The following ITGB5 variants were observed in gnomAD, a reference collection of about 807,000 sequenced individuals.
ITGB5 encodes the protein integrin subunit beta 5, also known as integrin beta-5.
In ITGB5, 38 loss-of-function variants were observed where a neutral mutation model predicts 84.8. The ratio of observed to expected loss-of-function variants is 0.45; its 90% CI spans 0.35 to 0.59. ITGB5 has a LOEUF of 0.59. Ranked by LOEUF, ITGB5 falls within the 20% of genes least tolerant of loss-of-function variation. The pLI is 0.01. For missense variants in ITGB5, 905 were observed against 1,034.5 expected, an observed-to-expected ratio of 0.87 and a Z score of 1.72; for synonymous variants, 393 against 414.4, an observed-to-expected ratio of 0.95 and a Z score of 0.63.
At chr3:124,866,103 C>A (rs531972766) in intron 2 of ITGB5, among the ~76,000 whole-genome samples, 1 of 151,674 alleles carries the variant, frequency 6.6e-6, no homozygotes, top group Admixed American at 6.6e-5. Context: ...TCAAGTGATT[C>A]TCATGCCTCA....
chr3:124,871,562 A>C (rs1358495067), intron 2 of ITGB5, among the ~76,000 whole-genome samples: 2 of 152,204 alleles, frequency 1.3e-5, no homozygotes, highest in Non-Finnish European at 2.9e-5. Flanking sequence ...ATGGTGGCTC[A>C]CATCTGTAAT....
intron 2 of ITGB5, among the ~76,000 whole-genome samples, chr3:124,865,094 T>G (rs1467874714): frequency 2.0e-5 from 3 of 152,218 alleles, no homozygotes; most frequent in Non-Finnish European, 4.4e-5. Context: ...GGCCCAAAGC[T>G]TCCATCCTTC....
At chr3:124,773,280 T>C (rs1463280479) in intron 11 of ITGB5, among the ~76,000 whole-genome samples, 1 of 152,220 alleles carries the variant, frequency 6.6e-6, no homozygotes, top group African/African-American at 2.4e-5. Context: ...GTTTGGGAGA[T>C]ATCAGTGTGG....
intron 13 of ITGB5, among the ~76,000 whole-genome samples, chr3:124,765,916 C>T (rs893736567): frequency 2.0e-5 from 3 of 151,852 alleles, no homozygotes; most frequent in Admixed American, 1.3e-4. Context: ...AAAATTAGCC[C>T]GGTGTGGTGG....
Position 124,775,343 on chromosome 3 carries a change from T to G in ITGB5, c.1694-1431A>C, listed in dbSNP as rs185471086. Among the ~76,000 whole-genome samples, 410 of 151,948 alleles carry G rather than the reference T, an allele frequency of 2.7e-3. 15 individuals carry two copies. The highest frequency in any genetic ancestry group is 0.024 in the Admixed American group (359 of 15,244). On this transcript the variant is annotated intron_variant, in intron 10 of 14. Transcript: ENST00000296181. The stretch of plus-strand genomic sequence containing the variant: ...GAGTGTATGTGTGTTGGAGTGCAAG[T>G]GTGAGGGAGGATGTGTGTGAGTGCG...
In ITGB5 at chr3:124,781,700, A is replaced by G. The variant is rs183517819; in HGVS notation, c.1694-7788T>C. ...CATGCCTGGGGGAGTTATGCATTGG[A>G]GAACTTGCCAACTAAGGGCTGTTTC... is the stretch of plus-strand genomic sequence containing the variant. On this transcript the variant is annotated intron_variant, in intron 10 of 14. Coordinates refer to ENST00000296181, the MANE Select transcript of ITGB5 (RefSeq NM_002213.5). Among the ~76,000 whole-genome samples the G allele has an allele frequency of 2.0e-5, 3 of 152,276 alleles. No homozygotes were observed. In the East Asian group the frequency reaches 5.8e-4, roughly 29 times the overall value.
chr3:124,772,424 G>A (rs1425865582), intron 11 of ITGB5, among the ~76,000 whole-genome samples: 2 of 152,172 alleles, frequency 1.3e-5, no homozygotes, highest in South Asian at 4.1e-4. Flanking sequence ...ACCAGCAGCC[G>A]CTGCAGGCGC....
chr3:124,823,516 G>C (rs2064738344), intron 5 of ITGB5, among the ~76,000 whole-genome samples: 1 of 151,644 alleles, frequency 6.6e-6, no homozygotes, highest in Non-Finnish European at 1.5e-5. Flanking sequence ...AGTTGGAATA[G>C]TGGTTCTCCT....
At chr3:124,848,211 T>C in intron 4 of ITGB5, 98 bp downstream of exon 4, 2 of 1,450,340 alleles carry the variant, frequency 1.4e-6, no homozygotes, top group Non-Finnish European at 9.5e-7. Flanking sequence ...CCACCCCTCC[T>C]AACCATGCCT....
chr3:124,865,086 C>G (rs1354232165), intron 2 of ITGB5, among the ~76,000 whole-genome samples: 1 of 152,212 alleles, frequency 6.6e-6, no homozygotes, highest in Non-Finnish European at 1.5e-5. Flanking sequence ...TAACTTTGGG[C>G]CCAAAGCTTC....
At chr3:124,857,303 C>T (rs1051673311) in intron 3 of ITGB5, 2 of 152,206 alleles carry the variant, frequency 1.3e-5, no homozygotes, top group South Asian at 2.1e-4. Flanking sequence ...CTGGTACCCT[C>T]GGCCACTGCT....
chr3:124,850,693 A>G (rs966975382), intron 3 of ITGB5, among the ~76,000 whole-genome samples: 8 of 131,358 alleles, frequency 6.1e-5, no homozygotes, highest in Non-Finnish European at 1.3e-4. Flanking sequence ...AAAGTATAAT[A>G]ATAATAATTT....
intron 7 of ITGB5, among the ~76,000 whole-genome samples, chr3:124,818,008 G>A (rs61760582): frequency 6.6e-6 from 1 of 152,190 alleles, no homozygotes; most frequent in African/African-American, 2.4e-5. Context: ...GTAACAGACA[G>A]CTCTGTAAAA....
At chr3:124,845,236 C>T (rs2065061625) in intron 4 of ITGB5, among the ~76,000 whole-genome samples, 1 of 152,224 alleles carries the variant, frequency 6.6e-6, no homozygotes, top group East Asian at 1.9e-4. Context: ...AGCTCAAGAC[C>T]AGCCTGGCCA....
chr3:124,887,884 G>T, upstream of ITGB5: 1 of 261,376 alleles, frequency 3.8e-6, no homozygotes, highest in East Asian at 1.2e-4. Context: ...GGTGGGGCGT[G>T]GAGGCACAAG....
intron 9 of ITGB5, among the ~76,000 whole-genome samples, chr3:124,804,376 CAA>C (rs559424329): frequency 1.3e-5 from 2 of 151,330 alleles, no homozygotes; most frequent in East Asian, 3.9e-4. Context: ...CAAAACAAAA[CAA>C]AAAAAACAAC....
intron 1 of ITGB5, among the ~76,000 whole-genome samples, chr3:124,885,614 A>G (rs1934767909): frequency 1.3e-5 from 2 of 152,210 alleles, no homozygotes; most frequent in Non-Finnish European, 2.9e-5. Context: ...GTTGACAACA[A>G]TACATTCCTG....
At chr3:124,822,313 G>A (rs142569812) in intron 5 of ITGB5, among the ~76,000 whole-genome samples, 45 of 152,262 alleles carry the variant, frequency 3.0e-4, no homozygotes, top group Non-Finnish European at 4.9e-4. Flanking sequence ...AATGGTGAAC[G>A]GGCATCCCCA....
intron 1 of ITGB5, among the ~76,000 whole-genome samples, chr3:124,883,423 T>C (rs959953964): frequency 3.9e-5 from 6 of 152,176 alleles, no homozygotes; most frequent in Non-Finnish European, 7.3e-5. Context: ...TCAAGGATGA[T>C]GGAGTTAAAA....
Sources: gnomAD v4.1 joint callset for allele counts (sites outside exome capture counted in the v4.1 genomes callset) on GRCh38, gnomAD v4.1.1 for gene constraint, MANE v1.5 for transcripts, NCBI Gene and HGNC (gene_info 2026-07-23, HGNC 2026-07-21) for gene names.